ADAM22: variants seen among roughly 807,000 people sequenced by gnomAD.
ADAM22 encodes the protein disintegrin and metalloproteinase domain-containing protein 22.
A neutral mutation model predicts 144.6 loss-of-function variants in ADAM22; 65 were observed. The ratio of observed to expected loss-of-function variants is 0.45; its 90% CI spans 0.37 to 0.55. ADAM22 has a LOEUF of 0.55. Among genes scored for constraint, ADAM22 ranks in the 20% least tolerant of loss-of-function variants. The probability of loss-of-function intolerance (pLI) is 0.00; values close to 1 mark genes in which losing one functional copy is unlikely to be tolerated. For synonymous variants in ADAM22, 391 were observed against 412.6 expected (o/e 0.95, Z 0.63); for missense variants, 974 against 1,184.9 (o/e 0.82, Z 2.61).
At chr7:88,084,858 G>C (rs183662143) in intron 4 of ADAM22, among the ~76,000 whole-genome samples, 1 of 152,290 alleles carries the variant, frequency 6.6e-6, no homozygotes, top group East Asian at 1.9e-4. Flanking sequence ...CTGAAAGCTA[G>C]AAGTCCAAGA....
At chr7:88,044,980 C>T (rs1804204341) in intron 3 of ADAM22, among the ~76,000 whole-genome samples, 1 of 151,686 alleles carries the variant, frequency 6.6e-6, no homozygotes, top group African/African-American at 2.4e-5. Flanking sequence ...CCACCTCGGC[C>T]TCCCAAAGTG....
chr7:88,024,023 T>C (rs1798424639), intron 3 of ADAM22, among the ~76,000 whole-genome samples: 1 of 152,170 alleles, frequency 6.6e-6, no homozygotes, highest in African/African-American at 2.4e-5. Context: ...TGAAAAAATA[T>C]CATTCTTTTT....
Position 88,156,006 on chromosome 7 carries a change from G to A in ADAM22, c.1907G>A (p.Ser636Asn). ...CAGCAAGGAAGAACATTAAACTGCA[G>A]GTAATTATCTAACCATTCTGTAAGA... is the stretch of plus-strand genomic sequence containing the variant. ...VVQQGRTLNC[S>N]GGHVKLEEDV... The change falls in exon 22 of 32, where the codon AGT (serine) becomes AAT (asparagine). Residue 636 changes from serine (S) to asparagine (N), a missense_variant and splice_region_variant. By Grantham distance (46) the Ser-to-Asn change is conservative. This residue lies in a region of ADAM22 where 734 missense variants were observed against 950.6 expected (regional missense o/e 0.77). Transcript: ENST00000413139. 2 of 1,612,464 alleles carry A rather than the reference G, an allele frequency of 1.2e-6. No individual in the cohort carries two copies. Among genetic ancestry groups the A allele is most frequent in the Non-Finnish European group, 1.7e-6 (2 of 1,179,210 alleles).
intron 26 of ADAM22, among the ~76,000 whole-genome samples, 195 bp downstream of exon 26, chr7:88,171,756 T>C (rs751062721): frequency 6.6e-5 from 10 of 151,770 alleles, no homozygotes; most frequent in Non-Finnish European, 1.3e-4. Flanking sequence ...AATAGATCTG[T>C]CATTTAATTT....
chr7:88,194,658 C>G (rs961376021), intron 31 of ADAM22, among the ~76,000 whole-genome samples: 1 of 152,052 alleles, frequency 6.6e-6, no homozygotes, highest in Non-Finnish European at 1.5e-5. Context: ...TTCATTTGTC[C>G]CTCCCTTCTT....
intron 2 of ADAM22, among the ~76,000 whole-genome samples, chr7:87,953,835 G>A (rs1845895584): frequency 6.6e-6 from 1 of 152,118 alleles, no homozygotes; most frequent in South Asian, 2.1e-4. Flanking sequence ...CCTGTTTTGG[G>A]TGCATATATA....
intron 3 of ADAM22, among the ~76,000 whole-genome samples, chr7:88,017,232 T>C (rs994994162): frequency 2.0e-5 from 3 of 152,206 alleles, no homozygotes; most frequent in African/African-American, 7.2e-5. Context: ...TATTTAACGA[T>C]AATTTATTGT....
chr7:87,955,843 C>G (rs887295581), intron 2 of ADAM22, among the ~76,000 whole-genome samples: 3 of 152,162 alleles, frequency 2.0e-5, no homozygotes, highest in South Asian at 2.1e-4. Flanking sequence ...GGGCGCCCCT[C>G]CCCCAGCCTC....
At chr7:87,978,250 G>C (rs1852386435) in intron 2 of ADAM22, 86 bp from the exon 3 acceptor site, 1 of 986,354 alleles carries the variant, frequency 1.0e-6, no homozygotes, top group African/African-American at 1.6e-5. Context: ...GATATTGTAA[G>C]TGTTTTGAAA....
chr7:88,182,862 T>G (rs1847424222), intron 29 of ADAM22, among the ~76,000 whole-genome samples: 1 of 152,160 alleles, frequency 6.6e-6, no homozygotes, highest in South Asian at 2.1e-4. Context: ...CTTCCTAAAA[T>G]TTTTTACTTA....
At chr7:88,131,123 A>T in intron 10 of ADAM22, 146 bp from the exon 11 acceptor site, 2 of 638,284 alleles carry the variant, frequency 3.1e-6, no homozygotes. Context: ...TCTGTTACTC[A>T]AGGGAAATGC....
intron 26 of ADAM22, among the ~76,000 whole-genome samples, chr7:88,174,664 A>G (rs1845191121): frequency 6.6e-6 from 1 of 152,172 alleles, no homozygotes; most frequent in South Asian, 2.1e-4. Flanking sequence ...AAACATTCAT[A>G]TTTAGCTGAA....
chr7:88,007,458 A>G (rs1794211416), intron 3 of ADAM22, among the ~76,000 whole-genome samples: 2 of 152,198 alleles, frequency 1.3e-5, no homozygotes, highest in African/African-American at 4.8e-5. Context: ...CTAAGCCAAA[A>G]GAACAAAGCT....
chr7:88,100,400 G>A (rs1412028674), intron 4 of ADAM22, among the ~76,000 whole-genome samples: 2 of 152,244 alleles, frequency 1.3e-5, no homozygotes, highest in Non-Finnish European at 1.5e-5. Context: ...CCATGTGATA[G>A]CCTCACTTAA....
intron 21 of ADAM22, among the ~76,000 whole-genome samples, chr7:88,154,895 G>A (rs1427681592): frequency 2.0e-5 from 3 of 151,872 alleles, no homozygotes; most frequent in African/African-American, 4.8e-5. Context: ...TGATACTTTT[G>A]TATATAATCT....
At chr7:87,959,009 A>G (rs1020211216) in intron 2 of ADAM22, among the ~76,000 whole-genome samples, 2 of 152,042 alleles carry the variant, frequency 1.3e-5, no homozygotes, top group Non-Finnish European at 2.9e-5. Flanking sequence ...TAGATCCTTA[A>G]TGATTCTTGG....
rs553129704 is a variant in ADAM22, at chr7:88,164,028, G to T, written c.2076+848G>T. On this transcript the variant is annotated intron_variant, in intron 23 of 31. Coordinates refer to ENST00000413139, the MANE Select transcript of ADAM22 (RefSeq NM_001324418.2). ...ATGCTTGTCCTCAGGGATATTCCAA[G>T]AATTTATTTAGGGAAGTAACTAATT... is the stretch of plus-strand genomic sequence containing the variant. 2.1e-4 allele frequency among the ~76,000 whole-genome samples: 32 copies of T among 152,146 alleles called. No homozygotes were observed. In the South Asian group the frequency reaches 4.6e-3, roughly 22 times the overall value.
At chr7:87,985,291 C>T (rs1230734903) in intron 3 of ADAM22, among the ~76,000 whole-genome samples, 2 of 149,548 alleles carry the variant, frequency 1.3e-5, no homozygotes, top group Admixed American at 6.7e-5. Flanking sequence ...TCATCCTGGG[C>T]GACAGAGTGA....
At chr7:88,091,070 C>T (rs945742752) in intron 4 of ADAM22, among the ~76,000 whole-genome samples, 8 of 152,120 alleles carry the variant, frequency 5.3e-5, no homozygotes, top group African/African-American at 1.9e-4. Context: ...GAGCTAGCTT[C>T]ATTGATTAAT....
Sources: gnomAD v4.1 joint callset for allele counts (sites outside exome capture counted in the v4.1 genomes callset) on GRCh38, gnomAD v4.1.1 for gene constraint, gnomAD v4.1.1 regional missense constraint, MANE v1.5 for transcripts, NCBI Gene and HGNC (gene_info 2026-07-23, HGNC 2026-07-21) for gene names.